OAS2: variants seen among roughly 807,000 people sequenced by gnomAD.
OAS2 encodes 2'-5'-oligoadenylate synthase 2.
Under a neutral mutation model 71.3 loss-of-function variants are expected in OAS2, and 67 were observed. That is an observed-to-expected ratio of 0.94 (90% CI 0.77 to 1.15). The LOEUF (loss-of-function observed/expected upper bound fraction) is 1.15. Among genes scored for constraint, OAS2 ranks in the 50% most tolerant of loss-of-function variants. OAS2 has a pLI of 0.00. For synonymous variants in OAS2, 327 were observed against 321.8 expected (o/e 1.02, Z -0.17); for missense variants, 789 against 822.5 (o/e 0.96, Z 0.50).
chr12:112,998,348 C>A lies in OAS2; in HGVS notation c.946C>A (p.Gln316Lys). ...ICWQWLKKEA[Q>K]TWLTSPNLDN... ...CTGGCAATGGCTGAAAAAAGAAGCTCAAACCTGGTTGACTTCTCCCAACCT... is the reference window on the plus strand; with the variant it reads ...CTGGCAATGGCTGAAAAAAGAAGCTAAAACCTGGTTGACTTCTCCCAACCT... The change falls in exon 5 of 10, where the codon CAA (glutamine) becomes AAA (lysine). Residue 316 changes from glutamine (Q) to lysine (K), a missense_variant. Physicochemically the swap from Gln to Lys is moderately conservative, Grantham distance 53. Transcript: ENST00000392583. 1 of 1,610,150 alleles carries A rather than the reference C, an allele frequency of 6.2e-7. No homozygotes were observed. The highest frequency in any genetic ancestry group is 1.1e-5 in the South Asian group (1 of 90,028).
At chr12:112,987,825 ATAAC>A (rs1382050132) in intron 2 of OAS2, 9 of 987,430 alleles carry the variant, frequency 9.1e-6, no homozygotes, top group Non-Finnish European at 1.1e-5. Context: ...CCTTCCATAG[ATAAC>A]TATCAAAGCT....
chr12:112,997,493 AGCT>A, intron 3 of OAS2, 24 bp from the exon 4 acceptor site: 1 of 1,588,116 alleles, frequency 6.3e-7, no homozygotes, highest in South Asian at 1.1e-5. Context: ...TCCCCCAATG[AGCT>A]GCTACCCTTT....
intron 2 of OAS2, among the ~76,000 whole-genome samples, chr12:112,992,393 G>GAAAA (rs57482640): frequency 7.4e-4 from 72 of 96,702 alleles, no homozygotes; most frequent in African/African-American, 2.9e-3. Flanking sequence ...CTTGTCAAAA[G>GAAAA]AAAAAAAAAA....
chr12:112,988,736 C>T (rs556158981), intron 2 of OAS2: 7 of 985,298 alleles, frequency 7.1e-6, no homozygotes, highest in East Asian at 1.1e-4. Flanking sequence ...GCGCATTCCT[C>T]CTTCTCCTTT....
At chr12:112,993,679 A>G (rs1220596653) in intron 2 of OAS2, among the ~76,000 whole-genome samples, 4 of 152,114 alleles carry the variant, frequency 2.6e-5, no homozygotes, top group Admixed American at 6.5e-5. Flanking sequence ...CAGGAGTTCA[A>G]GACCAGCCTG....
intron 3 of OAS2, among the ~76,000 whole-genome samples, chr12:112,996,276 T>G (rs928490537): frequency 3.3e-5 from 5 of 152,216 alleles, no homozygotes; most frequent in African/African-American, 1.2e-4. Flanking sequence ...TTTCCCTACA[T>G]GTCTTTTTGT....
At chr12:112,990,848 G>T (rs182701066) in intron 2 of OAS2, among the ~76,000 whole-genome samples, 63 of 152,274 alleles carry the variant, frequency 4.1e-4, no homozygotes, top group African/African-American at 1.3e-3. Flanking sequence ...AGGGAGGAGG[G>T]TATAATGAGG....
In OAS2 at chr12:113,005,240, T is replaced by C. The variant is rs992243467; in HGVS notation, c.1468+18T>C. 6.2e-7 allele frequency: 1 copy of C among 1,602,736 alleles called. No homozygotes were observed. Among genetic ancestry groups the C allele is most frequent in the Non-Finnish European group, 8.5e-7 (1 of 1,173,256 alleles). ...TGCACTGGGTAAGGCTCCCCAGACC[T>C]TAGCTTGGAAGTGATGGTGGACAGA... is the stretch of plus-strand genomic sequence containing the variant. On this transcript the variant is annotated intron_variant, in intron 7 of 9. Coordinates refer to ENST00000392583, the MANE Select transcript of OAS2 (RefSeq NM_002535.3).
At chr12:112,995,808 G>A (rs952067505) in intron 3 of OAS2, among the ~76,000 whole-genome samples, 3 of 152,124 alleles carry the variant, frequency 2.0e-5, no homozygotes, top group Admixed American at 2.0e-4. Context: ...ATGTCTGAGA[G>A]ACTCATTCAT....
chr12:112,987,417 A>C, intron 2 of OAS2, 109 bp downstream of exon 2: 1 of 1,495,712 alleles, frequency 6.7e-7, no homozygotes, highest in Non-Finnish European at 8.9e-7. Flanking sequence ...GCTTTAAAAA[A>C]TGGGAGACCA....
chr12:113,009,111 A>G lies in OAS2; in HGVS notation c.1920A>G (p.Glu640=), dbSNP rs2044358816. The G allele has an allele frequency of 3.7e-6, 6 of 1,613,680 alleles. No individual in the cohort carries two copies. Among genetic ancestry groups the G allele is most frequent in the Non-Finnish European group, 5.1e-6 (6 of 1,179,990 alleles). ...KTRPVILDPA[E]PTGDVGGGDR... is the part of the protein sequence containing the mutation. ...GGCCTGTGATCTTGGACCCAGCCGA[A>G]CCCACAGGTGACGTGGGTGGAGGGG... Residue 640 remains glutamate (E), a synonymous_variant, in exon 10 of 10, where the codon GAA becomes GAG. Transcript: ENST00000392583.
At chr12:112,980,461 T>A (rs1208832763) in intron 1 of OAS2, among the ~76,000 whole-genome samples, 1 of 152,194 alleles carries the variant, frequency 6.6e-6, no homozygotes, top group Non-Finnish European at 1.5e-5. Context: ...GAGATCAACT[T>A]TTTTTAACTT....
chr12:112,990,848 G>A (rs182701066), intron 2 of OAS2, among the ~76,000 whole-genome samples: 7 of 152,274 alleles, frequency 4.6e-5, no homozygotes, highest in Admixed American at 3.9e-4. Context: ...AGGGAGGAGG[G>A]TATAATGAGG....
intron 5 of OAS2, 142 bp downstream of exon 5, chr12:112,998,552 C>A: frequency 2.1e-6 from 2 of 934,554 alleles, no homozygotes; most frequent in Non-Finnish European, 3.1e-6. Context: ...GGCTTAAAGC[C>A]ACAGAAATTT....
At chr12:113,005,368 T>C (rs1593206126) in intron 7 of OAS2, 146 bp downstream of exon 7, 1 of 749,324 alleles carries the variant, frequency 1.3e-6, no homozygotes. Context: ...CAGTAATACT[T>C]CACACTTGTA....
At chr12:112,989,880 C>G (rs1300816729) in intron 2 of OAS2, among the ~76,000 whole-genome samples, 1 of 152,170 alleles carries the variant, frequency 6.6e-6, no homozygotes, top group African/African-American at 2.4e-5. Context: ...CCAGCTCCCC[C>G]ACCTCCTCAC....
intron 5 of OAS2, among the ~76,000 whole-genome samples, chr12:113,001,173 G>A (rs577355111): frequency 5.3e-5 from 8 of 151,612 alleles, no homozygotes; most frequent in South Asian, 2.1e-4. Flanking sequence ...ACAATACCCC[G>A]TCTCTACAAA....
chr12:113,005,144 G>T lies in OAS2; in HGVS notation c.1390G>T (p.Val464Leu). ...FEPPKWKAPR[V>L]LSFSLKSKVL... Reference sequence around the variant, plus strand: ...GCCTCCCAAGTGGAAGGCTCCCAGGGTGCTGAGCTTCTCTCTGAAATCCAA... The same window carrying T: ...GCCTCCCAAGTGGAAGGCTCCCAGGTTGCTGAGCTTCTCTCTGAAATCCAA... The change falls in exon 7 of 10, where the codon GTG (valine) becomes TTG (leucine). Residue 464 changes from valine to leucine, a missense_variant. Coordinates refer to ENST00000392583, the MANE Select transcript of OAS2 (RefSeq NM_002535.3). 6.2e-7 allele frequency: 1 copy of T among 1,614,108 alleles called. No individual in the cohort carries two copies. Among genetic ancestry groups the T allele is most frequent in the Non-Finnish European group, 8.5e-7 (1 of 1,179,998 alleles).
rs1293316738 is a variant in OAS2, at chr12:113,009,295, A to G, written c.*40A>G. The stretch of plus-strand genomic sequence containing the variant: ...GGAAATAGCCCTGTAACAGGCTTGA[A>G]TCAAAGAACTTCTCCTACTGTAGCA... On this transcript the variant is annotated 3_prime_UTR_variant, in exon 10 of 10. Transcript: ENST00000392583. 6.2e-7 allele frequency: 1 copy of G among 1,600,320 alleles called. No individual in the cohort carries two copies. The highest frequency in any genetic ancestry group is 1.3e-5 in the African/African-American group (1 of 74,186).
Sources: allele counts gnomAD v4.1 joint callset (sites outside exome capture counted in the v4.1 genomes callset), GRCh38; gene constraint gnomAD v4.1.1; transcripts MANE v1.5; gene names NCBI Gene and HGNC (gene_info 2026-07-23, HGNC 2026-07-21).